Variants in TENM3 observed in about 807,000 individuals in gnomAD.
The protein encoded by TENM3 is teneurin-3.
TENM3 carries 63 observed loss-of-function variants against 255.1 expected under a neutral mutation model. That is an observed-to-expected ratio of 0.25 (90% CI 0.20 to 0.30). TENM3 has a LOEUF of 0.30. Ranked by LOEUF, TENM3 falls within the 10% of genes least tolerant of loss-of-function variation. TENM3 has a pLI of 1.00. For missense variants in TENM3, 2,929 were observed against 3,461.1 expected (o/e 0.85, Z 3.86); for synonymous variants, 1,306 against 1,322.3 (o/e 0.99, Z 0.27).
intron 3 of TENM3, among the ~76,000 whole-genome samples, chr4:182,579,742 T>A (rs890072037): frequency 1.3e-5 from 2 of 152,222 alleles, no homozygotes; most frequent in East Asian, 3.8e-4. Flanking sequence ...TTTTCAGGGA[T>A]CATATTTTGC....
the TENM3 span, among the ~76,000 whole-genome samples, chr4:182,128,989 A>C: frequency 6.6e-6 from 1 of 152,220 alleles, no homozygotes; most frequent in African/African-American, 2.4e-5. Context: ...CATTCCAAAA[A>C]AATTTAAAGC....
At chr4:181,690,273 G>A in the TENM3 span, among the ~76,000 whole-genome samples, 1 of 151,472 alleles carries the variant, frequency 6.6e-6, no homozygotes, top group African/African-American at 2.4e-5. Context: ...AGGATTATTT[G>A]GCACTTTCTC....
At chr4:181,987,754 G>C in the TENM3 span, among the ~76,000 whole-genome samples, 1 of 152,020 alleles carries the variant, frequency 6.6e-6, no homozygotes, top group Non-Finnish European at 1.5e-5. Flanking sequence ...AATAGACTCA[G>C]TGCTGAACAA....
chr4:181,517,571 A>G, the TENM3 span, among the ~76,000 whole-genome samples: 7 of 152,334 alleles, frequency 4.6e-5, no homozygotes, highest in South Asian at 4.1e-4. Context: ...TCGCACACAC[A>G]TATCTATGGT....
chr4:182,563,927 A>G (rs1206462522), intron 3 of TENM3, among the ~76,000 whole-genome samples: 3 of 152,178 alleles, frequency 2.0e-5, no homozygotes, highest in Non-Finnish European at 2.9e-5. Context: ...TATCTCTTCC[A>G]TGCAGGTCTT....
chr4:181,867,771 C>T, the TENM3 span, among the ~76,000 whole-genome samples: 3 of 152,108 alleles, frequency 2.0e-5, no homozygotes, highest in Non-Finnish European at 4.4e-5. Flanking sequence ...ATAACCAATA[C>T]CCCTGCTTGG....
chr4:182,721,099 C>A lies in TENM3; in HGVS notation c.2368+6866C>A, dbSNP rs569756413. Among the ~76,000 whole-genome samples the A allele has an allele frequency of 1.1e-4, 16 of 152,194 alleles. No homozygotes were observed. In the East Asian group the frequency reaches 2.9e-3, roughly 28 times the overall value. On this transcript the variant is annotated intron_variant, in intron 13 of 27. Transcript: ENST00000511685. ...TCTCCCCTCTCTTTTACACCCGTGC[C>A]CAGCAGCTGCCACCTGAAGCTTAAG...
chr4:181,738,360 A>G, the TENM3 span, among the ~76,000 whole-genome samples: 1 of 152,206 alleles, frequency 6.6e-6, no homozygotes, highest in African/African-American at 2.4e-5. Flanking sequence ...CTTTTGAGCC[A>G]GAGCTTTCCT....
the TENM3 span, among the ~76,000 whole-genome samples, chr4:181,618,938 C>T: frequency 1.3e-5 from 2 of 152,278 alleles, no homozygotes; most frequent in East Asian, 1.9e-4. Context: ...TTCCACTTTG[C>T]CCCTGCAGAT....
the TENM3 span, among the ~76,000 whole-genome samples, chr4:181,614,128 AT>A: frequency 6.6e-6 from 1 of 152,134 alleles, no homozygotes; most frequent in Non-Finnish European, 1.5e-5. Flanking sequence ...TAAATTTCTA[AT>A]ATTATAAATA....
At chr4:181,607,754 G>A in the TENM3 span, among the ~76,000 whole-genome samples, 74 of 152,268 alleles carry the variant, frequency 4.9e-4, no homozygotes, top group African/African-American at 1.7e-3. Flanking sequence ...ACACTGGCCA[G>A]CGCCGCTCTA....
chr4:182,173,566 C>T (rs1025249434), intron 1 of TENM3, among the ~76,000 whole-genome samples: 5 of 152,034 alleles, frequency 3.3e-5, no homozygotes, highest in South Asian at 2.1e-4. Context: ...GTCAGGTGCA[C>T]GGATATAATC....
the TENM3 span, among the ~76,000 whole-genome samples, chr4:182,031,469 G>A: frequency 3.3e-5 from 5 of 152,264 alleles, no homozygotes; most frequent in South Asian, 1.0e-3. Flanking sequence ...TTGCAGTGTA[G>A]TTTGAAGTCA....
chr4:181,828,181 G>T, the TENM3 span, among the ~76,000 whole-genome samples: 1 of 152,148 alleles, frequency 6.6e-6, no homozygotes, highest in South Asian at 2.1e-4. Flanking sequence ...AAGCCAAGCT[G>T]CCCCTGCCAC....
At chr4:182,029,972 G>A in the TENM3 span, among the ~76,000 whole-genome samples, 22 of 139,010 alleles carry the variant, frequency 1.6e-4, no homozygotes, top group South Asian at 6.5e-4. Flanking sequence ...TTTTTTGGCC[G>A]AAAGCACCTT....
intron 24 of TENM3, among the ~76,000 whole-genome samples, chr4:182,781,569 A>C (rs1458873607): frequency 9.2e-5 from 14 of 152,098 alleles, no homozygotes; most frequent in Non-Finnish European, 1.5e-4. Context: ...CTGGCCTCAT[A>C]AAATGAGTTA....
rs1561153634 is a variant in TENM3 at position 182,161,817 on chromosome 4, A to ATATATGTG, written c.-76+17068_-76+17069insGTGTATAT. On this transcript the variant is annotated intron_variant, in intron 1 of 2. Coordinates refer to the TENM3 transcript ENST00000512480. ...TGTATATATATACACATATATATGTATATATATACACATATATATGTGTAT... is the reference window on the plus strand; with the variant it reads ...TGTATATATATACACATATATATGTATATATGTGTATATATACACATATATATGTGTAT... Among the ~76,000 whole-genome samples the ATATATGTG allele has an allele frequency of 1.9e-3, 55 of 29,112 alleles. 4 individuals are homozygous for ATATATGTG. The highest frequency in any genetic ancestry group is 3.2e-3 in the Non-Finnish European group (51 of 16,178). 19.1% of individuals were successfully genotyped at this position (29,112 alleles called of 152,430 possible).
chr4:182,590,554 A>AAAG (rs1178686989), intron 3 of TENM3, among the ~76,000 whole-genome samples: 3 of 150,804 alleles, frequency 2.0e-5, no homozygotes, highest in East Asian at 2.0e-4. Context: ...AAAAAAAAAA[A>AAAG]AAAAAAAGAA....
chr4:181,629,175 A>C, the TENM3 span, among the ~76,000 whole-genome samples: 1 of 152,172 alleles, frequency 6.6e-6, no homozygotes, highest in African/African-American at 2.4e-5. Flanking sequence ...TGATTTTTGC[A>C]CATTGATTTT....
Sources: allele counts gnomAD v4.1 joint callset (sites outside exome capture counted in the v4.1 genomes callset), GRCh38; gene constraint gnomAD v4.1.1; transcripts MANE v1.5; gene names NCBI Gene and HGNC (gene_info 2026-07-23, HGNC 2026-07-21).